ZNF280C: variants seen among roughly 807,000 people sequenced by gnomAD.
ZNF280C encodes suppressor of hairy wing homolog 3.
ZNF280C carries 14 observed loss-of-function variants against 53.6 expected under a neutral mutation model. That is an observed-to-expected ratio of 0.26 (90% CI 0.17 to 0.41). ZNF280C has a LOEUF of 0.41. ZNF280C is among the 10% of genes least tolerant of loss of function. The probability of loss-of-function intolerance (pLI) is 1.00; values close to 1 mark genes in which losing one functional copy is unlikely to be tolerated. For missense variants in ZNF280C, 416 were observed against 547.1 expected, an observed-to-expected ratio of 0.76 and a Z score of 2.39; for synonymous variants, 203 against 181.1, an observed-to-expected ratio of 1.12 and a Z score of -0.97.
intron 15 of ZNF280C, among the ~76,000 whole-genome samples, chrX:130,210,834 C>T (rs1487437124): frequency 8.9e-6 from 1 of 112,457 alleles, no homozygotes. Flanking sequence ...TAGCCTAGCA[C>T]AGTATTACTC....
rs138083924 is a variant in ZNF280C at position 130,215,326 on chromosome X, G to A, written c.1846C>T (p.Arg616Trp). 3.9e-5 allele frequency: 46 copies of A among 1,182,329 alleles called. No homozygotes were observed. The African/African-American group carries it at 5.2e-4, about 13-fold the overall frequency. Residue 616 changes from arginine (R) to tryptophan (W), a missense_variant, in exon 15 of 19, where the codon CGG (arginine) becomes TGG (tryptophan). Coordinates refer to ENST00000370978, the MANE Select transcript of ZNF280C (RefSeq NM_017666.5). ...SLALKNIRCRRGIHKCIECHS... is the reference protein window; with the variant it reads ...SLALKNIRCRWGIHKCIECHS... ...CATTCAATGCACTTGTGAATTCCCCGACGACACCTTATGGAGACGGAAAAA... is the reference window on the plus strand; with the variant it reads ...CATTCAATGCACTTGTGAATTCCCCAACGACACCTTATGGAGACGGAAAAA...
chrX:130,238,924 T>G (rs1167949424), intron 6 of ZNF280C, among the ~76,000 whole-genome samples: 3 of 111,591 alleles, frequency 2.7e-5, no homozygotes, highest in Non-Finnish European at 3.8e-5. Context: ...GTAATTGCTT[T>G]GATTATAGGG....
At chrX:130,217,243 C>G (rs1410266141) in intron 13 of ZNF280C, among the ~76,000 whole-genome samples, 1 of 111,771 alleles carries the variant, frequency 8.9e-6, no homozygotes, top group Non-Finnish European at 1.9e-5. Context: ...AATATCTATA[C>G]AGTGGAGTAT....
chrX:130,239,468 T>C (rs1166327324), intron 6 of ZNF280C, 114 bp downstream of exon 6: 3 of 418,708 alleles, frequency 7.2e-6, no homozygotes, highest in African/African-American at 4.9e-5. Flanking sequence ...TTCCATGTTA[T>C]AATATATGAA....
At chrX:130,208,240 G>A (rs2031999958) in intron 16 of ZNF280C, among the ~76,000 whole-genome samples, 2 of 110,781 alleles carry the variant, frequency 1.8e-5, no homozygotes, top group African/African-American at 6.6e-5. Flanking sequence ...AGCAATTCTC[G>A]TGCCTCAGCC....
At chrX:130,228,350 C>A (rs1250754916) in intron 10 of ZNF280C, among the ~76,000 whole-genome samples, 1 of 107,742 alleles carries the variant, frequency 9.3e-6, no homozygotes, top group Non-Finnish European at 1.9e-5. Flanking sequence ...ATGGTGCCAT[C>A]TCGGCTCACC....
intron 10 of ZNF280C, among the ~76,000 whole-genome samples, chrX:130,228,064 G>A (rs1472072519): frequency 8.9e-6 from 1 of 111,756 alleles, no homozygotes; most frequent in Non-Finnish European, 1.9e-5. Context: ...CACAGCTGTA[G>A]TAAGAGGCAA....
chrX:130,245,586 A>G (rs2032441618), intron 3 of ZNF280C, among the ~76,000 whole-genome samples: 2 of 111,341 alleles, frequency 1.8e-5, no homozygotes, highest in African/African-American at 6.5e-5. Context: ...AAGAACTAGG[A>G]TTTCAGAAAA....
intron 12 of ZNF280C, among the ~76,000 whole-genome samples, chrX:130,221,912 G>A (rs1186592454): frequency 9.0e-6 from 1 of 111,055 alleles, no homozygotes; most frequent in Non-Finnish European, 1.9e-5. Flanking sequence ...CCAGAATTCT[G>A]ACTCTGGCTT....
chrX:130,223,789 T>C (rs750885217), intron 12 of ZNF280C, among the ~76,000 whole-genome samples: 1 of 112,294 alleles, frequency 8.9e-6, no homozygotes, highest in Admixed American at 9.5e-5. Context: ...TAGGAAAAAG[T>C]TGCAATCAAA....
At chrX:130,256,269 A>C (rs1415560308) in intron 2 of ZNF280C, among the ~76,000 whole-genome samples, 2 of 112,289 alleles carry the variant, frequency 1.8e-5, no homozygotes, top group African/African-American at 6.5e-5. Flanking sequence ...TCTGACATTG[A>C]GCACAATACA....
intron 5 of ZNF280C, among the ~76,000 whole-genome samples, chrX:130,242,532 G>A (rs7059415): frequency 0.51 from 56,317 of 110,143 alleles, 11,308 homozygotes; most frequent in African/African-American, 0.75. Context: ...ATACATTTTA[G>A]TTTTTTATTT....
At position 130,236,480 on chromosome X, in the gene ZNF280C, A is replaced by G. The variant is rs369995712; in HGVS notation, c.653T>C (p.Met218Thr). 7 of 1,194,559 alleles carry G rather than the reference A, an allele frequency of 5.9e-6. No homozygotes were observed. Among genetic ancestry groups the G allele is most frequent in the Non-Finnish European group, 7.9e-6 (7 of 889,156 alleles). ...GSPPVTSSQVMLSKGTNTSSP... is the reference protein window; with the variant it reads ...GSPPVTSSQVTLSKGTNTSSP... ...GATTTCATGTTTACCTTTTGACAGC[A>G]TAACTTGGGAGGATGTCACTGGAGG... The change falls in exon 7 of 19, where the codon ATG becomes ACG. Residue 218 changes from methionine to threonine, a missense_variant. Met to Thr is a moderately conservative substitution (Grantham distance 81). Around this residue, in one of 3 missense-constraint regions of ZNF280C, gnomAD observed 193 missense variants for 201.4 expected, o/e 0.96. Coordinates refer to ENST00000370978, the MANE Select transcript of ZNF280C (RefSeq NM_017666.5).
At chrX:130,265,655 C>T (rs1393282013) in intron 1 of ZNF280C, among the ~76,000 whole-genome samples, 1 of 112,151 alleles carries the variant, frequency 8.9e-6, no homozygotes, top group Non-Finnish European at 1.9e-5. Flanking sequence ...TTCTGGTCTA[C>T]CACTTCCTGG....
intron 16 of ZNF280C, among the ~76,000 whole-genome samples, chrX:130,206,579 G>C (rs2031977886): frequency 1.8e-5 from 2 of 110,607 alleles, no homozygotes; most frequent in East Asian, 5.6e-4. Context: ...TGTTAGCCAG[G>C]ATGGTCTCAA....
At chrX:130,210,683 T>C (rs1178479458) in intron 15 of ZNF280C, among the ~76,000 whole-genome samples, 1 of 112,448 alleles carries the variant, frequency 8.9e-6, no homozygotes, top group African/African-American at 3.2e-5. Context: ...AGCTCATGAA[T>C]TAAAACAATG....
At chrX:130,266,581 T>C (rs2032690747) in intron 1 of ZNF280C, among the ~76,000 whole-genome samples, 2 of 111,147 alleles carry the variant, frequency 1.8e-5, no homozygotes, top group African/African-American at 6.6e-5. Flanking sequence ...AAACATCACA[T>C]TGTACCCCAT....
intron 12 of ZNF280C, 83 bp downstream of exon 12, chrX:130,226,676 T>G (rs780292762): frequency 1.0e-6 from 1 of 965,094 alleles, no homozygotes; most frequent in Non-Finnish European, 1.4e-6. Context: ...TAGATAGATA[T>G]AGATGTAGCT....
chrX:130,215,931 A>T lies in ZNF280C; in HGVS notation c.1698T>A (p.His566Gln). Reference sequence around the variant, plus strand: ...CTTTACTTGCAGTGGATGTAGTTGCATGAAGCTTACTTGTCTTAGATCTAC... The same window carrying T: ...CTTTACTTGCAGTGGATGTAGTTGCTTGAAGCTTACTTGTCTTAGATCTAC... ...NASRSKTSKL[H>Q]ATTSTASKVN... is the part of the protein sequence containing the mutation. Residue 566 changes from histidine to glutamine, a missense_variant, in exon 14 of 19, where the codon CAT (histidine) becomes CAA (glutamine). His to Gln is a conservative substitution (Grantham distance 24). Around this residue, in one of 3 missense-constraint regions of ZNF280C, gnomAD observed 151 missense variants for 176.9 expected, o/e 0.85. Coordinates refer to ENST00000370978, the MANE Select transcript of ZNF280C (RefSeq NM_017666.5). 1.7e-6 allele frequency: 2 copies of T among 1,211,566 alleles called. No individual in the cohort carries two copies. The highest frequency in any genetic ancestry group is 2.2e-6 in the Non-Finnish European group (2 of 895,467).
Sources: allele counts gnomAD v4.1 joint callset (sites outside exome capture counted in the v4.1 genomes callset), GRCh38; gene constraint gnomAD v4.1.1; regional missense constraint gnomAD v4.1.1; transcripts MANE v1.5; gene names NCBI Gene and HGNC (gene_info 2026-07-23, HGNC 2026-07-21).